The following CFAP54 variants were observed in gnomAD, a reference collection of about 807,000 sequenced individuals.
CFAP54 encodes cilia- and flagella-associated protein 54.
In CFAP54, 290 loss-of-function variants were observed where a neutral mutation model predicts 370.4. The ratio of observed to expected loss-of-function variants is 0.78; its 90% CI spans 0.71 to 0.86. CFAP54 has a LOEUF of 0.86. CFAP54 is among the 40% of genes least tolerant of loss of function. CFAP54 has a pLI of 0.00. For missense variants in CFAP54, 3,399 were observed against 3,528.7 expected (o/e 0.96, Z 0.93); for synonymous variants, 1,206 against 1,236.5 (o/e 0.98, Z 0.52).
chr12:96,737,816 G>A (rs933532553), intron 50 of CFAP54, among the ~76,000 whole-genome samples: 2 of 151,190 alleles, frequency 1.3e-5, no homozygotes, highest in Non-Finnish European at 2.9e-5. Flanking sequence ...GTATAGAAAT[G>A]TAATTTAAAC....
At chr12:96,707,034 A>G (rs1957554530) in intron 47 of CFAP54, among the ~76,000 whole-genome samples, 1 of 152,232 alleles carries the variant, frequency 6.6e-6, no homozygotes, top group African/African-American at 2.4e-5. Context: ...GGGAGTGAGG[A>G]GAAGGAAGAG....
At chr12:96,768,275 C>T (rs1345098693) in intron 60 of CFAP54, among the ~76,000 whole-genome samples, 1 of 152,058 alleles carries the variant, frequency 6.6e-6, no homozygotes, top group African/African-American at 2.4e-5. Context: ...GAGCCGAGAT[C>T]GCACCATTGC....
At chr12:96,723,980 C>T (rs1043856054) in intron 50 of CFAP54, among the ~76,000 whole-genome samples, 6 of 151,860 alleles carry the variant, frequency 4.0e-5, no homozygotes, top group Non-Finnish European at 8.8e-5. Flanking sequence ...CTTCCAATTT[C>T]ATCCATGTCC....
At position 96,509,172 on chromosome 12, in the gene CFAP54, G is replaced by A. The variant is rs191808420; in HGVS notation, c.739+2073G>A. Among the ~76,000 whole-genome samples the A allele has an allele frequency of 3.3e-3, 499 of 152,262 alleles. 4 individuals are homozygous for A. Among genetic ancestry groups the A allele is most frequent in the African/African-American group, 0.011 (470 of 41,550 alleles). On this transcript the variant is annotated intron_variant, in intron 4 of 67. Coordinates refer to ENST00000524981, the MANE Select transcript of CFAP54 (RefSeq NM_001306084.2). ...AAACTGAATTGTGTCAGATAGTGACGAGGCTATGGAGAAAAGTCAAAGCCA... is the reference window on the plus strand; with the variant it reads ...AAACTGAATTGTGTCAGATAGTGACAAGGCTATGGAGAAAAGTCAAAGCCA...
intron 46 of CFAP54, among the ~76,000 whole-genome samples, chr12:96,703,215 T>C (rs1452718367): frequency 6.6e-6 from 1 of 152,148 alleles, no homozygotes; most frequent in Non-Finnish European, 1.5e-5. Flanking sequence ...TTCTAGGAAG[T>C]AAGATGAGCT....
At chr12:96,681,332 T>C (rs6538735) in intron 40 of CFAP54, among the ~76,000 whole-genome samples, 131,658 of 151,264 alleles carry the variant, frequency 0.87, 57,675 homozygotes, top group African/African-American at 0.96. Context: ...ATTTTTCTCT[T>C]ATGTCTTCTC....
chr12:96,520,687 G>A (rs989331249), intron 6 of CFAP54, among the ~76,000 whole-genome samples: 25 of 152,186 alleles, frequency 1.6e-4, no homozygotes, highest in African/African-American at 6.0e-4. Context: ...CTTCCTTTGG[G>A]CCAACACGTT....
chr12:96,522,877 A>G (rs1212160901), intron 8 of CFAP54, among the ~76,000 whole-genome samples: 1 of 152,168 alleles, frequency 6.6e-6, no homozygotes, highest in Non-Finnish European at 1.5e-5. Flanking sequence ...TTCTTCTCAC[A>G]TGTCATAACC....
chr12:96,840,447 T>C (rs1378909238), intron 66 of CFAP54, among the ~76,000 whole-genome samples: 1 of 152,200 alleles, frequency 6.6e-6, no homozygotes, highest in Non-Finnish European at 1.5e-5. Flanking sequence ...TGATCCTTGA[T>C]TTCTTTGAAA....
chr12:96,764,110 TCA>T (rs754831828), intron 58 of CFAP54, 39 bp from the exon 59 acceptor site: 1 of 1,347,950 alleles, frequency 7.4e-7, no homozygotes, highest in Admixed American at 1.7e-5. Context: ...AGAAGAGTTA[TCA>T]CAAAACTTTA....
chr12:96,498,875 A>T (rs1229601513), intron 1 of CFAP54, among the ~76,000 whole-genome samples: 3 of 152,230 alleles, frequency 2.0e-5, no homozygotes, highest in African/African-American at 7.2e-5. Flanking sequence ...TTTGCAGAAG[A>T]CATATTTGAT....
At position 96,554,725 on chromosome 12, in the gene CFAP54, G is replaced by C; in HGVS notation, c.2333G>C (p.Ser778Thr). The C allele has an allele frequency of 1.3e-6, 2 of 1,535,088 alleles. No homozygotes were observed. Among genetic ancestry groups the C allele is most frequent in the Non-Finnish European group, 1.7e-6 (2 of 1,146,226 alleles). The change falls in exon 17 of 68, where the codon AGT (serine) becomes ACT (threonine). Residue 778 changes from serine to threonine, a missense_variant. Ser to Thr is a moderately conservative substitution (Grantham distance 58). Around this residue, in one of 3 missense-constraint regions of CFAP54, gnomAD observed 2,796 missense variants for 2,869.7 expected, o/e 0.97. Transcript: ENST00000524981. ...ACTTACAAACCACTTGCCTCAAATA[G>C]TTTCATGATGGATTTGCATCTTGAA... ...GDTYKPLASN[S>T]FMMDLHLELI...
At chr12:96,555,029 A>G (rs1201966100) in intron 17 of CFAP54, 14 of 338,386 alleles carry the variant, frequency 4.1e-5, no homozygotes, top group Non-Finnish European at 6.3e-5. Flanking sequence ...AAAGTTAATT[A>G]TGTTTATTTG....
At chr12:96,610,704 C>G (rs1734039551) in intron 26 of CFAP54, among the ~76,000 whole-genome samples, 1 of 152,144 alleles carries the variant, frequency 6.6e-6, no homozygotes, top group South Asian at 2.1e-4. Context: ...CTGTGCTTTT[C>G]CAACAGTCTT....
chr12:96,691,547 A>G (rs1221370811), intron 44 of CFAP54, among the ~76,000 whole-genome samples: 1 of 152,092 alleles, frequency 6.6e-6, no homozygotes, highest in Non-Finnish European at 1.5e-5. Flanking sequence ...GTGTTACTTT[A>G]TATTTTTTTC....
At chr12:96,512,304 TATATATATATATATATATATA>T in intron 4 of CFAP54, among the ~76,000 whole-genome samples, 2 of 6,826 alleles carry the variant, frequency 2.9e-4, no homozygotes, top group African/African-American at 1.6e-3. Context: ...ACCAATTTTA[TATATATATATATATATATATA>T]TATATATATA....
At chr12:96,807,948 A>T (rs1239573634) in intron 63 of CFAP54, among the ~76,000 whole-genome samples, 6 of 152,212 alleles carry the variant, frequency 3.9e-5, no homozygotes, top group Non-Finnish European at 7.4e-5. Flanking sequence ...TGAAGAAGCC[A>T]GAGGCATGAA....
intron 60 of CFAP54, among the ~76,000 whole-genome samples, chr12:96,779,595 A>G (rs1017385853): frequency 1.3e-5 from 2 of 149,262 alleles, no homozygotes; most frequent in African/African-American, 5.0e-5. Flanking sequence ...TCTTAATTGC[A>G]ATTAAGATTT....
chr12:96,528,660 G>A (rs1955408655), intron 9 of CFAP54, among the ~76,000 whole-genome samples: 1 of 152,094 alleles, frequency 6.6e-6, no homozygotes, highest in Non-Finnish European at 1.5e-5. Flanking sequence ...GTATTGGTCA[G>A]TTTGCTTTCT....
Sources: allele counts gnomAD v4.1 joint callset (sites outside exome capture counted in the v4.1 genomes callset), GRCh38; gene constraint gnomAD v4.1.1; regional missense constraint gnomAD v4.1.1; transcripts MANE v1.5; gene names NCBI Gene and HGNC (gene_info 2026-07-23, HGNC 2026-07-21).